The following ADAMTSL1 variants were observed in gnomAD, a reference collection of about 807,000 sequenced individuals.
ADAMTSL1 encodes the protein ADAMTS like 1, also known as ADAMTS-like protein 1.
Under a neutral mutation model 201.8 loss-of-function variants are expected in ADAMTSL1, and 126 were observed. That is an observed-to-expected ratio of 0.62 (90% CI 0.54 to 0.72). The LOEUF is 0.72. Among genes scored for constraint, ADAMTSL1 ranks in the 30% least tolerant of loss-of-function variants. The pLI is 0.00. For synonymous variants in ADAMTSL1, 1,121 were observed against 903.4 expected, an observed-to-expected ratio of 1.24 and a Z score of -4.32; for missense variants, 2,679 against 2,277.8, an observed-to-expected ratio of 1.18 and a Z score of -3.59.
chr9:18,681,700 G>GGAGA (rs1194806366), intron 11 of ADAMTSL1, 112 bp from the exon 12 acceptor site: 7 of 673,390 alleles, frequency 1.0e-5, no homozygotes, highest in Non-Finnish European at 1.5e-5. Flanking sequence ...CCTCGTGTGG[G>GGAGA]GGGGGGGGGC....
chr9:18,011,117 G>T (rs1820034427), intron 1 of ADAMTSL1, among the ~76,000 whole-genome samples: 1 of 151,942 alleles, frequency 6.6e-6, no homozygotes, highest in Non-Finnish European at 1.5e-5. Context: ...TGACATGAAG[G>T]TGCTGAACTT....
intron 23 of ADAMTSL1, among the ~76,000 whole-genome samples, chr9:18,847,387 G>C (rs1826193119): frequency 6.6e-6 from 1 of 152,192 alleles, no homozygotes; most frequent in Non-Finnish European, 1.5e-5. Context: ...GAAGGCAGCA[G>C]AGACAAAACA....
chr9:17,953,280 A>C (rs1196681719), intron 1 of ADAMTSL1, among the ~76,000 whole-genome samples: 1 of 152,184 alleles, frequency 6.6e-6, no homozygotes, highest in Non-Finnish European at 1.5e-5. Flanking sequence ...GCTATCCTAT[A>C]ACTACCCCAC....
chr9:18,605,742 C>G (rs985281953), intron 4 of ADAMTSL1, among the ~76,000 whole-genome samples: 3 of 152,180 alleles, frequency 2.0e-5, no homozygotes, highest in Admixed American at 6.5e-5. Context: ...TTTTGAGGTT[C>G]ACAAATAGAA....
At chr9:18,089,747 G>T (rs1222321266) in intron 1 of ADAMTSL1, among the ~76,000 whole-genome samples, 2 of 152,160 alleles carry the variant, frequency 1.3e-5, no homozygotes, top group African/African-American at 4.8e-5. Flanking sequence ...GGTTGTCAGG[G>T]TCTAGAGGGA....
intron 2 of ADAMTSL1, among the ~76,000 whole-genome samples, chr9:18,229,129 C>A (rs1447684621): frequency 6.6e-6 from 1 of 152,044 alleles, no homozygotes; most frequent in Non-Finnish European, 1.5e-5. Flanking sequence ...ATTTTTGCTG[C>A]CAAAAATTAG....
chr9:17,921,975 T>G (rs1826319801), intron 1 of ADAMTSL1, among the ~76,000 whole-genome samples: 1 of 152,140 alleles, frequency 6.6e-6, no homozygotes, highest in Non-Finnish European at 1.5e-5. Context: ...ACATTCATAT[T>G]TGGAAACAGT....
chr9:18,692,395 T>G (rs536078593), intron 13 of ADAMTSL1, among the ~76,000 whole-genome samples: 1 of 152,136 alleles, frequency 6.6e-6, no homozygotes, highest in African/African-American at 2.4e-5. Flanking sequence ...AACCAAGAAG[T>G]TCTAAATTTA....
intron 11 of ADAMTSL1, chr9:18,680,745 C>A: frequency 1.9e-6 from 1 of 534,638 alleles, no homozygotes; most frequent in South Asian, 2.2e-5. Context: ...CTCTATTGTT[C>A]CCCAGATAAT....
intron 1 of ADAMTSL1, among the ~76,000 whole-genome samples, chr9:18,006,074 C>A (rs1441225925): frequency 2.0e-5 from 3 of 151,518 alleles, no homozygotes; most frequent in Admixed American, 6.6e-5. Context: ...TAAATTTGAA[C>A]AACCACCACT....
Position 18,777,461 on chromosome 9 carries a change from C to T in ADAMTSL1, c.3232C>T (p.Leu1078=). ...PFTMVTEQRR[L]DDILGNLSQQ... ...CACCATGGTGACCGAGCAGCGGCGC[C>T]TGGACGACATCCTGGGGAACCTCTC... Residue 1078 remains leucine (L), a synonymous_variant, in exon 19 of 29, where the codon CTG becomes TTG. Transcript: ENST00000380548. 1 of 1,594,702 alleles carries T rather than the reference C, an allele frequency of 6.3e-7. No individual in the cohort carries two copies. The highest frequency in any genetic ancestry group is 1.1e-5 in the South Asian group (1 of 88,158).
chr9:17,983,338 G>A (rs1397641119), intron 1 of ADAMTSL1, among the ~76,000 whole-genome samples: 4 of 151,824 alleles, frequency 2.6e-5, no homozygotes. Context: ...CAAAGTGCTG[G>A]GATTACAGGC....
Position 18,675,872 on chromosome 9 carries a change from G to C in ADAMTSL1, c.1101G>C (p.Gln367His). 2 of 1,613,216 alleles carry C rather than the reference G, an allele frequency of 1.2e-6. No homozygotes were observed. Among genetic ancestry groups the C allele is most frequent in the Non-Finnish European group, 1.7e-6 (2 of 1,179,346 alleles). ...TTCCTAACAGTGACGGATACAAGCA[G>C]ATCATGCCTTATGACCTCTACCATC... ...DPCPASDGYK[Q>H]IMPYDLYHPL... The change falls in exon 10 of 29, where the codon CAG becomes CAC. Residue 367 changes from glutamine (Q) to histidine (H), a missense_variant. Transcript: ENST00000380548.
At chr9:18,731,238 A>T (rs562629808) in intron 15 of ADAMTSL1, among the ~76,000 whole-genome samples, 1 of 152,356 alleles carries the variant, frequency 6.6e-6, no homozygotes, top group African/African-American at 2.4e-5. Flanking sequence ...TTTTAAGATC[A>T]GACAGATGTT....
rs777966857 is a variant in ADAMTSL1, at chr9:18,770,757, G to C, written c.2373G>C (p.Glu791Asp). ...GCAAGAAAGATGACTGTCCCAGCGAGTGGCTTCTCTCAGACTGGACAGAGG... is the reference window on the plus strand; with the variant it reads ...GCAAGAAAGATGACTGTCCCAGCGACTGGCTTCTCTCAGACTGGACAGAGG... ...QACKKDDCPS[E>D]WLLSDWTECS... Residue 791 changes from glutamate (E) to aspartate (D), a missense_variant, in exon 17 of 29, where the codon GAG becomes GAC. By Grantham distance (45) the Glu-to-Asp change is conservative (BLOSUM62 2). Transcript: ENST00000380548. 6.2e-7 allele frequency: 1 copy of C among 1,613,868 alleles called. No individual in the cohort carries two copies. The highest frequency in any genetic ancestry group is 1.1e-5 in the South Asian group (1 of 91,032).
intron 1 of ADAMTSL1, among the ~76,000 whole-genome samples, chr9:18,049,878 C>T (rs1238126387): frequency 6.6e-6 from 1 of 152,200 alleles, no homozygotes; most frequent in Non-Finnish European, 1.5e-5. Flanking sequence ...CTGCTTCGGC[C>T]TCCCAAAGTG....
chr9:18,269,737 G>A (rs1409112566), intron 2 of ADAMTSL1, among the ~76,000 whole-genome samples: 1 of 152,080 alleles, frequency 6.6e-6, no homozygotes, highest in African/African-American at 2.4e-5. Flanking sequence ...TTTTGTTTGG[G>A]TGATATTCAA....
intron 1 of ADAMTSL1, among the ~76,000 whole-genome samples, chr9:18,132,201 G>A (rs56413345): frequency 0.017 from 2,582 of 152,150 alleles, 40 homozygotes; most frequent in African/African-American, 0.044. Flanking sequence ...GGGAAAAAAG[G>A]CCTGAGTCCA....
chr9:18,618,295 G>A (rs945486170), intron 4 of ADAMTSL1, among the ~76,000 whole-genome samples: 3 of 152,136 alleles, frequency 2.0e-5, no homozygotes, highest in East Asian at 3.8e-4. Flanking sequence ...GTCAATGGCT[G>A]CAGTCTAAGG....
Sources: allele counts gnomAD v4.1 joint callset (sites outside exome capture counted in the v4.1 genomes callset), GRCh38; gene constraint gnomAD v4.1.1; transcripts MANE v1.5; gene names NCBI Gene and HGNC (gene_info 2026-07-23, HGNC 2026-07-21).